Variants in MTSS2 observed in about 807,000 individuals in gnomAD.
MTSS2 encodes the protein protein MTSS 2.
Under a neutral mutation model 67.1 loss-of-function variants are expected in MTSS2, and 27 were observed. The ratio of observed to expected loss-of-function variants is 0.40; its 90% CI spans 0.30 to 0.55. The LOEUF (loss-of-function observed/expected upper bound fraction) is 0.55. Ranked by LOEUF, MTSS2 falls within the 20% of genes least tolerant of loss-of-function variation. MTSS2 has a pLI of 0.43. For synonymous variants in MTSS2, 624 were observed against 468.6 expected, an observed-to-expected ratio of 1.33 and a Z score of -4.28; for missense variants, 1,171 against 1,067.8, an observed-to-expected ratio of 1.10 and a Z score of -1.35.
In MTSS2 at chr16:70,664,064, G is replaced by A. The variant is rs762308150; in HGVS notation, c.1857C>T (p.Thr619=). ...GTGCCAGGGGTGAGGCGGTCTCGTC[G>A]GTATAGAAGACGCACTCCTCACTGC... ...RAGSEECVFY[T]DETASPLAPD... The change falls in exon 15 of 15, where the codon ACC becomes ACT. Residue 619 remains threonine, a synonymous_variant. Coordinates refer to ENST00000338779, the MANE Select transcript of MTSS2 (RefSeq NM_138383.3). The A allele has an allele frequency of 1.1e-5, 17 of 1,611,212 alleles. No individual in the cohort carries two copies. The highest frequency in any genetic ancestry group is 2.2e-5 in the East Asian group (1 of 44,824).
Position 70,676,888 on chromosome 16 carries a change from T to A in MTSS2, c.823A>T (p.Met275Leu), listed in dbSNP as rs1202749219. 6.2e-7 allele frequency: 1 copy of A among 1,612,894 alleles called. No individual in the cohort carries two copies. Among genetic ancestry groups the A allele is most frequent in the Admixed American group, 1.7e-5 (1 of 60,010 alleles). ...PSSSSSRKSS[M>L]CSAPSSSSSA... ...AACCCCACCCCCACTGACCTGCACA[T>A]GCTGGACTTCCGGGAGCTGGAGCTG... Residue 275 changes from methionine to leucine, a missense_variant, in exon 10 of 15, where the codon ATG becomes TTG. Physicochemically the swap from Met to Leu is conservative, Grantham distance 15 (BLOSUM62 2). Coordinates refer to ENST00000338779, the MANE Select transcript of MTSS2 (RefSeq NM_138383.3).
Position 70,664,095 on chromosome 16 carries a change from C to T in MTSS2, c.1826G>A (p.Arg609Gln), listed in dbSNP as rs751804474. The T allele has an allele frequency of 1.1e-5, 18 of 1,611,786 alleles. No individual in the cohort carries two copies. Among genetic ancestry groups the T allele is most frequent in the East Asian group, 4.5e-5 (2 of 44,846 alleles). Residue 609 changes from arginine (R) to glutamine (Q), a missense_variant, in exon 15 of 15, where the codon CGG (arginine) becomes CAG (glutamine). Transcript: ENST00000338779. The stretch of plus-strand genomic sequence containing the variant: ...GAAGACGCACTCCTCACTGCCCGCC[C>T]GTGTGGGCCCCATGTAGCCGGGGGA... ...PDSPGYMGPTRAGSEECVFYT... is the reference protein window; with the variant it reads ...PDSPGYMGPTQAGSEECVFYT...
intron 10 of MTSS2, among the ~76,000 whole-genome samples, chr16:70,676,633 T>C (rs1377365065): frequency 2.0e-5 from 3 of 152,328 alleles, no homozygotes; most frequent in Non-Finnish European, 2.9e-5. Flanking sequence ...ACCTGGCACA[T>C]AGTGGATGCT....
At chr16:70,670,336 G>A (rs957077473) in intron 11 of MTSS2, among the ~76,000 whole-genome samples, 1 of 152,144 alleles carries the variant, frequency 6.6e-6, no homozygotes, top group East Asian at 1.9e-4. Flanking sequence ...GGGTAAATTG[G>A]TATGAGCACT....
intron 12 of MTSS2, 180 bp downstream of exon 12, chr16:70,665,286 T>G: frequency 1.1e-6 from 1 of 907,258 alleles, no homozygotes; most frequent in Non-Finnish European, 1.6e-6. Context: ...GGGTAAGATG[T>G]GGCTGTGTGG....
At position 70,677,958 on chromosome 16, in the gene MTSS2, C is replaced by T. The variant is rs570954875; in HGVS notation, c.625-59G>A. ...ATCGCCCACCTGCCCGCCTGCCCAG[C>T]GCCCCTGGAGAAGCAGCAGCCCTTG... On this transcript the variant is annotated intron_variant, in intron 8 of 14. Coordinates refer to ENST00000338779, the MANE Select transcript of MTSS2 (RefSeq NM_138383.3). The T allele has an allele frequency of 3.5e-5, 49 of 1,381,014 alleles. No individual in the cohort carries two copies. The East Asian group carries it at 9.7e-4, about 27-fold the overall frequency. 85.5% of individuals were successfully genotyped at this position (1,381,014 alleles called of 1,614,324 possible).
chr16:70,676,904 G>C lies in MTSS2; in HGVS notation c.807C>G (p.Ser269Arg), dbSNP rs767257914. ...QTPPSSPSSS[S>R]SRKSSMCSAP... is the part of the protein sequence containing the mutation. Reference sequence around the variant, plus strand: ...ACCTGCACATGCTGGACTTCCGGGAGCTGGAGCTGCTGGGTGATGAGGGTG... The same window carrying C: ...ACCTGCACATGCTGGACTTCCGGGACCTGGAGCTGCTGGGTGATGAGGGTG... The change falls in exon 10 of 15, where the codon AGC (serine) becomes AGG (arginine). Residue 269 changes from serine to arginine, a missense_variant. Transcript: ENST00000338779. The C allele has an allele frequency of 2.7e-5, 43 of 1,613,520 alleles. No individual in the cohort carries two copies. Among genetic ancestry groups the C allele is most frequent in the Non-Finnish European group, 3.6e-5 (42 of 1,179,996 alleles).
intron 11 of MTSS2, among the ~76,000 whole-genome samples, chr16:70,666,291 G>T (rs985992458): frequency 2.0e-5 from 3 of 152,164 alleles, no homozygotes; most frequent in South Asian, 4.1e-4. Flanking sequence ...CATAGAAGGG[G>T]GTGGGGGAAG....
intron 11 of MTSS2, among the ~76,000 whole-genome samples, chr16:70,672,384 A>G (rs927664978): frequency 3.3e-5 from 5 of 150,938 alleles, no homozygotes; most frequent in African/African-American, 1.2e-4. Context: ...AAACCCGGGA[A>G]CATTATGTAG....
chr16:70,671,754 C>A (rs1281326965), intron 11 of MTSS2, among the ~76,000 whole-genome samples: 3 of 152,202 alleles, frequency 2.0e-5, no homozygotes, highest in Non-Finnish European at 4.4e-5. Flanking sequence ...AGAAACTTGG[C>A]ACACGCCACC....
chr16:70,678,965 C>T (rs546470355), intron 7 of MTSS2, among the ~76,000 whole-genome samples: 89 of 152,236 alleles, frequency 5.8e-4, no homozygotes, highest in Middle Eastern at 3.4e-3. Context: ...AAGAGAGAGG[C>T]GAGAGGATGA....
At chr16:70,677,726 C>T in intron 9 of MTSS2, 66 bp downstream of exon 9, 2 of 1,311,084 alleles carry the variant, frequency 1.5e-6, no homozygotes, top group Non-Finnish European at 2.1e-6. Flanking sequence ...TTTACTGTTC[C>T]CAACCTAGGG....
At chr16:70,683,179 G>A (rs1375077484) in intron 1 of MTSS2, among the ~76,000 whole-genome samples, 1 of 152,234 alleles carries the variant, frequency 6.6e-6, no homozygotes, top group Non-Finnish European at 1.5e-5. Flanking sequence ...GATGTGGAGT[G>A]TGGGTGAGCA....
At position 70,664,373 on chromosome 16, in the gene MTSS2, G is replaced by A. The variant is rs149386167; in HGVS notation, c.1548C>T (p.Thr516=). ...GGGCGATGTTGCTGTTGCGCGGGAT[G>A]GTGGATGACTTGTCAAACTCGGGCG... The part of the protein sequence containing the change: ...EGPPEFDKSS[T]IPRNSNIAQN... The change falls in exon 15 of 15, where the codon ACC becomes ACT. Residue 516 remains threonine (T), a synonymous_variant. Coordinates refer to ENST00000338779, the MANE Select transcript of MTSS2 (RefSeq NM_138383.3). 2.5e-6 allele frequency: 4 copies of A among 1,583,992 alleles called. No homozygotes were observed. The African/African-American group carries it at 5.4e-5, about 21-fold the overall frequency.
chr16:70,677,769 C>T (rs2053167194), intron 9 of MTSS2, 23 bp downstream of exon 9: 3 of 1,585,976 alleles, frequency 1.9e-6, no homozygotes, highest in South Asian at 2.3e-5. Flanking sequence ...TGGCCCTGGC[C>T]CTTGGCCAGA....
Position 70,674,415 on chromosome 16 carries a change from G to A in MTSS2, c.944C>T (p.Thr315Ile), listed in dbSNP as rs761052246. ...AACGCTGGAGAGGCGAGCGGTGGTG[G>A]TGGCTGGCTGCGCCAGGCTGCGGTA... The part of the protein sequence containing the change: ...CRYRSLAQPA[T>I]TTARLSSVSS... Residue 315 changes from threonine (T) to isoleucine (I), a missense_variant, in exon 11 of 15, where the codon ACC becomes ATC. Around this residue, in one of 2 missense-constraint regions of MTSS2, gnomAD observed 924 missense variants for 756.0 expected, o/e 1.22. Coordinates refer to ENST00000338779, the MANE Select transcript of MTSS2 (RefSeq NM_138383.3). The A allele has an allele frequency of 6.2e-7, 1 of 1,614,224 alleles. No homozygotes were observed. The highest frequency in any genetic ancestry group is 1.7e-5 in the Admixed American group (1 of 60,036).
intron 8 of MTSS2, 71 bp from the exon 9 acceptor site, chr16:70,677,970 A>G: frequency 7.7e-7 from 1 of 1,300,484 alleles, no homozygotes; most frequent in Non-Finnish European, 1.1e-6. Context: ...CCCCTGGAGA[A>G]GCAGCAGCCC....
At chr16:70,679,407 T>C (rs961288825) in intron 6 of MTSS2, 84 bp from the exon 7 acceptor site, 10 of 1,557,820 alleles carry the variant, frequency 6.4e-6, no homozygotes, top group Middle Eastern at 1.7e-4. Context: ...GAGCCACTCC[T>C]GGGGCGGGGG....
intron 11 of MTSS2, chr16:70,665,924 G>T (rs992740091): frequency 5.3e-6 from 1 of 189,248 alleles, no homozygotes; most frequent in African/African-American, 2.3e-5. Context: ...GGACACGGGG[G>T]AAGTGTGAAG....
Sources: allele counts gnomAD v4.1 joint callset (sites outside exome capture counted in the v4.1 genomes callset), GRCh38; gene constraint gnomAD v4.1.1; regional missense constraint gnomAD v4.1.1; transcripts MANE v1.5; gene names NCBI Gene and HGNC (gene_info 2026-07-23, HGNC 2026-07-21).